Variants in PPP6C observed in about 807,000 individuals in gnomAD.
PPP6C encodes the protein serine/threonine-protein phosphatase 6 catalytic subunit.
In PPP6C, 11 loss-of-function variants were observed where a neutral mutation model predicts 39.8. The ratio of observed to expected loss-of-function variants is 0.28; its 90% CI spans 0.17 to 0.46. PPP6C has a LOEUF of 0.46. Among genes scored for constraint, PPP6C ranks in the 20% least tolerant of loss-of-function variants. The probability of loss-of-function intolerance (pLI) is 1.00; values close to 1 mark genes in which losing one functional copy is unlikely to be tolerated. For missense variants in PPP6C, 211 were observed against 373.9 expected, an observed-to-expected ratio of 0.56 and a Z score of 3.59; for synonymous variants, 129 against 130.3, an observed-to-expected ratio of 0.99 and a Z score of 0.07.
At chr9:125,168,100 C>T (rs11788062) in intron 2 of PPP6C, among the ~76,000 whole-genome samples, 21,535 of 152,124 alleles carry the variant, frequency 0.14, 1,643 homozygotes, top group East Asian at 0.23. Context: ...AAGGCACGAG[C>T]AGTTTTACCC....
At chr9:125,164,928 G>A (rs1828979421) in intron 2 of PPP6C, among the ~76,000 whole-genome samples, 4 of 151,920 alleles carry the variant, frequency 2.6e-5, no homozygotes, top group Non-Finnish European at 5.9e-5. Context: ...TAGTAGAGAC[G>A]GGGTTTCACC....
intron 2 of PPP6C, among the ~76,000 whole-genome samples, chr9:125,168,308 C>T (rs778002295): frequency 2.6e-5 from 4 of 152,202 alleles, no homozygotes; most frequent in Non-Finnish European, 5.9e-5. Context: ...AACATGCTTG[C>T]TAACATGTTT....
At chr9:125,170,306 G>A (rs914745838) in intron 2 of PPP6C, among the ~76,000 whole-genome samples, 2 of 151,234 alleles carry the variant, frequency 1.3e-5, no homozygotes, top group Non-Finnish European at 2.9e-5. Flanking sequence ...GTGCGGTCTC[G>A]GCTCACTGCA....
rs914798023 is a variant in PPP6C at position 125,170,581 on chromosome 9, C to T, written c.171+504G>A. 6.6e-5 allele frequency among the ~76,000 whole-genome samples: 10 copies of T among 152,094 alleles called. No individual in the cohort carries two copies. The South Asian group carries it at 8.3e-4, about 13-fold the overall frequency. ...AACACCCAGCAGATGAAAAATTGAG[C>T]TAAATATTTTCTAGCTCATTCATCA... is the stretch of plus-strand genomic sequence containing the variant. On this transcript the variant is annotated intron_variant, in intron 2 of 6. Coordinates refer to ENST00000373547, the MANE Select transcript of PPP6C (RefSeq NM_002721.5).
chr9:125,189,686 T>C lies in PPP6C; in HGVS notation c.33A>G (p.Glu11=), dbSNP rs1439646933. Residue 11 remains glutamate, a synonymous_variant, in exon 1 of 7, where the codon GAA becomes GAG. Coordinates refer to ENST00000373547, the MANE Select transcript of PPP6C (RefSeq NM_002721.5). MAPLDLDKYV[E]IARLCKYLPE... ...GCAGGTACTTGCACAGCCGCGCTAT[T>C]TCCACATACTTGTCCAGGTCTAGCG... 2.5e-6 allele frequency: 4 copies of C among 1,611,852 alleles called. No homozygotes were observed. Among genetic ancestry groups the C allele is most frequent in the African/African-American group, 1.3e-5 (1 of 74,540 alleles).
At chr9:125,174,888 G>C (rs575096520) in intron 1 of PPP6C, among the ~76,000 whole-genome samples, 37 of 151,330 alleles carry the variant, frequency 2.4e-4, no homozygotes, top group African/African-American at 8.0e-4. Context: ...CTCCAGTCTG[G>C]GCGACAGAGT....
chr9:125,164,987 T>G (rs1022478313), intron 2 of PPP6C, among the ~76,000 whole-genome samples: 7 of 152,118 alleles, frequency 4.6e-5, no homozygotes, highest in African/African-American at 1.7e-4. Context: ...TCCGCCCGCC[T>G]CGGCCTCCCA....
intron 1 of PPP6C, among the ~76,000 whole-genome samples, chr9:125,174,696 G>C (rs770220950): frequency 9.9e-5 from 15 of 151,826 alleles, no homozygotes; most frequent in African/African-American, 1.5e-4. Flanking sequence ...GATCATTTGA[G>C]GTCAGGAGTT....
chr9:125,176,443 C>T (rs991612763), intron 1 of PPP6C, among the ~76,000 whole-genome samples: 2 of 152,142 alleles, frequency 1.3e-5, no homozygotes, highest in African/African-American at 4.8e-5. Context: ...ATCACTTGAG[C>T]TCAGGAGTTC....
rs530435733 is a variant in PPP6C at position 125,159,435 on chromosome 9, G to A, written c.238-1053C>T. Among the ~76,000 whole-genome samples the A allele has an allele frequency of 2.3e-4, 34 of 150,632 alleles. 1 individual carries two copies. In the South Asian group the frequency reaches 7.1e-3, roughly 32 times the overall value. On this transcript the variant is annotated intron_variant, in intron 3 of 6. Transcript: ENST00000373547. The stretch of plus-strand genomic sequence containing the variant: ...TTGCCCAGGTTGGTCTAGAACTCCT[G>A]AGCTTAAACAATCATCCCACCTCAG...
chr9:125,179,224 A>AAAAAAAAAAAAG (rs1829372724), intron 1 of PPP6C, among the ~76,000 whole-genome samples: 1 of 152,002 alleles, frequency 6.6e-6, no homozygotes, highest in African/African-American at 2.4e-5. Flanking sequence ...TCAAAAAAAA[A>AAAAAAAAAAAAG]AGAATTATCT....
Position 125,189,775 on chromosome 9 carries a change from G to T in PPP6C, c.-57C>A. On this transcript the variant is annotated 5_prime_UTR_variant, in exon 1 of 7. Transcript: ENST00000373547. ...GGCGGCGGCTGTAGCAGCGGCGGCG[G>T]CAGCGGCGGAGGCCGAAGCCGGAAC... The T allele has an allele frequency of 1.3e-6, 2 of 1,536,788 alleles. No homozygotes were observed. Among genetic ancestry groups the T allele is most frequent in the Non-Finnish European group, 1.8e-6 (2 of 1,142,418 alleles).
chr9:125,189,633 A>G lies in PPP6C; in HGVS notation c.75+11T>C. On this transcript the variant is annotated intron_variant, in intron 1 of 6. Transcript: ENST00000373547. ...ACAGCCGGAAGGGGCGAGCCCGCAA[A>G]TAGGGCTCACCTTCAGGTCGTTCTC... 1 of 1,612,816 alleles carries G rather than the reference A, an allele frequency of 6.2e-7. No individual in the cohort carries two copies. The highest frequency in any genetic ancestry group is 8.5e-7 in the Non-Finnish European group (1 of 1,179,574).
chr9:125,176,284 T>C (rs1829295821), intron 1 of PPP6C, among the ~76,000 whole-genome samples: 1 of 152,172 alleles, frequency 6.6e-6, no homozygotes, highest in African/African-American at 2.4e-5. Context: ...AATAAGGACC[T>C]GGGCTTCTAC....
At chr9:125,168,736 C>T (rs146663977) in intron 2 of PPP6C, among the ~76,000 whole-genome samples, 2,290 of 152,034 alleles carry the variant, frequency 0.015, 104 homozygotes, top group Admixed American at 0.082. Flanking sequence ...GGATTACAGG[C>T]ATGAGCCACC....
intron 2 of PPP6C, among the ~76,000 whole-genome samples, chr9:125,167,396 A>AAAAAAAAAAAAAAAAAAAAAAAAAAG (rs1355880967): frequency 1.4e-5 from 2 of 143,524 alleles, no homozygotes. Context: ...AAAAAAAAAA[A>AAAAAAAAAAAAAAAAAAAAAAAAAAG]AAAGAAATAA....
chr9:125,159,373 A>C (rs1465478404), intron 3 of PPP6C, among the ~76,000 whole-genome samples: 2 of 148,982 alleles, frequency 1.3e-5, no homozygotes, highest in African/African-American at 5.0e-5. Flanking sequence ...TTAAAAATTC[A>C]ATTTTTTTTT....
At chr9:125,162,795 G>A (rs957408738) in intron 2 of PPP6C, among the ~76,000 whole-genome samples, 37 of 150,062 alleles carry the variant, frequency 2.5e-4, no homozygotes, top group African/African-American at 9.0e-4. Context: ...AAAAAAAAGT[G>A]GGCCAAGCAC....
At chr9:125,172,224 CCCTTTTTTTTT>C (rs963061971) in intron 1 of PPP6C, among the ~76,000 whole-genome samples, 20 of 151,948 alleles carry the variant, frequency 1.3e-4, no homozygotes, top group Non-Finnish European at 1.8e-4. Flanking sequence ...TTCTTTTTTT[CCCTTTTTTTTT>C]GAGACAGAGT....
Sources: gnomAD v4.1 joint callset for allele counts (sites outside exome capture counted in the v4.1 genomes callset) on GRCh38, gnomAD v4.1.1 for gene constraint, MANE v1.5 for transcripts, NCBI Gene and HGNC (gene_info 2026-07-23, HGNC 2026-07-21) for gene names.